The following C4orf36 variants were observed in gnomAD, a reference collection of about 807,000 sequenced individuals.
The protein encoded by C4orf36 is chromosome 4 open reading frame 36, also known as uncharacterized protein C4orf36.
Under a neutral mutation model 12.2 loss-of-function variants are expected in C4orf36, and 11 were observed. The observed-to-expected ratio is 0.90, with a 90% CI of 0.57 to 1.49. The LOEUF (loss-of-function observed/expected upper bound fraction) is 1.49. Among genes scored for constraint, C4orf36 ranks in the 40% most tolerant of loss-of-function variants. The probability of loss-of-function intolerance (pLI) is 0.00; values close to 1 mark genes in which losing one functional copy is unlikely to be tolerated. For missense variants in C4orf36, 137 were observed against 133.9 expected (o/e 1.02, Z -0.11); for synonymous variants, 54 against 51.3 (o/e 1.05, Z -0.22).
the C4orf36 span, among the ~76,000 whole-genome samples, chr4:86,926,892 G>A: frequency 8.6e-3 from 1,311 of 152,228 alleles, 25 homozygotes; most frequent in African/African-American, 0.03. Flanking sequence ...GTTTTTAGAG[G>A]AGGGCCTCAA....
At chr4:86,917,435 AAGGG>A in the C4orf36 span, among the ~76,000 whole-genome samples, 1 of 147,200 alleles carries the variant, frequency 6.8e-6, no homozygotes, top group Non-Finnish European at 1.5e-5. Context: ...AAGAAAAAGA[AAGGG>A]AGAGAAAGAG....
At chr4:86,912,352 T>C in the C4orf36 span, among the ~76,000 whole-genome samples, 1 of 152,182 alleles carries the variant, frequency 6.6e-6, no homozygotes, top group South Asian at 2.1e-4. Context: ...TAATATCCCA[T>C]TTGGAGAAAC....
chr4:86,900,359 G>T, the C4orf36 span, among the ~76,000 whole-genome samples: 1 of 152,088 alleles, frequency 6.6e-6, no homozygotes, highest in African/African-American at 2.4e-5. Context: ...GATGGTTCCT[G>T]TTACTGGGAG....
At chr4:86,914,608 G>T in the C4orf36 span, 1 of 336,794 alleles carries the variant, frequency 3.0e-6, no homozygotes, top group Non-Finnish European at 5.6e-6. Context: ...TCACCATCTT[G>T]GCCAGGCTGG....
At chr4:86,887,730 C>CA in intron 4 of C4orf36, 28 bp downstream of exon 4, 1 of 1,613,686 alleles carries the variant, frequency 6.2e-7, no homozygotes, top group Admixed American at 1.7e-5. Flanking sequence ...ATGCAAGACA[C>CA]AGAGTACAGA....
upstream of C4orf36, among the ~76,000 whole-genome samples, chr4:86,892,902 T>C (rs1359111826): frequency 3.3e-5 from 5 of 152,190 alleles, no homozygotes; most frequent in Admixed American, 2.0e-4. Context: ...CCCCTTACGG[T>C]CAAATGAAAC....
chr4:86,913,194 C>A, the C4orf36 span: 1 of 418,408 alleles, frequency 2.4e-6, no homozygotes, highest in South Asian at 2.2e-5. Flanking sequence ...GCCATCGTGC[C>A]ACAGCACAGC....
At chr4:86,880,661 T>C (rs943462205) in intron 4 of C4orf36, among the ~76,000 whole-genome samples, 1 of 152,208 alleles carries the variant, frequency 6.6e-6, no homozygotes, top group Non-Finnish European at 1.5e-5. Context: ...AAGAGACTCC[T>C]TCAAGTTGAA....
At chr4:86,934,461 C>A in the C4orf36 span, 1 of 152,184 alleles carries the variant, frequency 6.6e-6, no homozygotes, top group African/African-American at 2.4e-5. Context: ...CACTTAGTAG[C>A]CTGTGACATT....
chr4:86,904,072 C>T, the C4orf36 span, among the ~76,000 whole-genome samples: 3 of 152,248 alleles, frequency 2.0e-5, no homozygotes, highest in Admixed American at 2.0e-4. Flanking sequence ...TCCCAGAAGC[C>T]CAGCCAGCTT....
the C4orf36 span, among the ~76,000 whole-genome samples, chr4:86,918,229 T>C: frequency 6.6e-6 from 1 of 152,110 alleles, no homozygotes; most frequent in Non-Finnish European, 1.5e-5. Flanking sequence ...TTTCAACATA[T>C]GAATTTTGGG....
the C4orf36 span, chr4:86,936,175 C>T: frequency 6.6e-6 from 1 of 152,196 alleles, no homozygotes; most frequent in Non-Finnish European, 1.5e-5. Flanking sequence ...GAACCAGTCT[C>T]TGTTAGGGGG....
At chr4:86,919,063 A>T in the C4orf36 span, among the ~76,000 whole-genome samples, 1 of 151,974 alleles carries the variant, frequency 6.6e-6, no homozygotes, top group Non-Finnish European at 1.5e-5. Context: ...TCCCATAGTC[A>T]GAGAGCCTGG....
At chr4:86,915,762 G>A in the C4orf36 span, among the ~76,000 whole-genome samples, 1 of 152,142 alleles carries the variant, frequency 6.6e-6, no homozygotes, top group Non-Finnish European at 1.5e-5. Context: ...ACTCCAGCCT[G>A]GGCAACAAGA....
the C4orf36 span, among the ~76,000 whole-genome samples, chr4:86,911,226 G>A: frequency 6.6e-6 from 1 of 152,344 alleles, no homozygotes; most frequent in East Asian, 1.9e-4. Context: ...TTGGATGTAA[G>A]CACTGTCCGG....
the C4orf36 span, among the ~76,000 whole-genome samples, chr4:86,922,345 T>C: frequency 2.6e-5 from 4 of 152,134 alleles, no homozygotes; most frequent in African/African-American, 9.7e-5. Context: ...CCAATAATCA[T>C]ACATATAGAG....
chr4:86,889,005 T>C (rs1017034753), intron 2 of C4orf36, among the ~76,000 whole-genome samples: 6 of 152,162 alleles, frequency 3.9e-5, no homozygotes, highest in African/African-American at 1.4e-4. Context: ...TAAAAATGTA[T>C]AAGAGTGTTC....
At chr4:86,913,178 T>C in the C4orf36 span, 3 of 389,440 alleles carry the variant, frequency 7.7e-6, no homozygotes, top group South Asian at 7.4e-5. Flanking sequence ...TGGGGCTGGC[T>C]TCCTTGCCAT....
rs922832414 is a variant in C4orf36 at position 86,892,407 on chromosome 4, C to G, written c.-298G>C. The G allele has an allele frequency of 4.1e-5, 40 of 985,446 alleles. No individual in the cohort carries two copies. The African/African-American group carries it at 6.6e-4, about 16-fold the overall frequency. 61.0% of individuals were successfully genotyped at this position (985,446 alleles called of 1,614,324 possible). ...AGGCACACGCCTCCTTCCCGCTCGC[C>G]GCGGGCGCCGAGTCTGGGGCTCCTC... On this transcript the variant is annotated 5_prime_UTR_variant, in exon 1 of 5. Transcript: ENST00000295898.
Sources: gnomAD v4.1 joint callset for allele counts (sites outside exome capture counted in the v4.1 genomes callset) on GRCh38, gnomAD v4.1.1 for gene constraint, MANE v1.5 for transcripts, NCBI Gene and HGNC (gene_info 2026-07-23, HGNC 2026-07-21) for gene names.